SON: variants seen among roughly 807,000 people sequenced by gnomAD.
The protein encoded by SON is SON DNA and RNA binding protein, also known as protein SON.
In SON, 4 loss-of-function variants were observed where a neutral mutation model predicts 173.3. The observed-to-expected ratio is 0.02, with a 90% CI of 0.01 to 0.05. SON has a LOEUF of 0.05. Among genes scored for constraint, SON ranks in the 10% least tolerant of loss-of-function variants. The pLI is 1.00. For missense variants in SON, 2,626 were observed against 3,055.3 expected (o/e 0.86, Z 3.31); for synonymous variants, 1,190 against 1,105.9 (o/e 1.08, Z -1.51).
In SON at chr21:33,552,936, A is replaced by G. The variant is rs371151680; in HGVS notation, c.3705A>G (p.Ser1235=). 11 of 1,614,096 alleles carry G rather than the reference A, an allele frequency of 6.8e-6. No individual in the cohort carries two copies. Among genetic ancestry groups the G allele is most frequent in the African/African-American group, 6.7e-5 (5 of 74,924 alleles). Residue 1235 remains serine, a synonymous_variant, in exon 3 of 12, where the codon TCA becomes TCG. Transcript: ENST00000356577. This position sits in a 1 kb window ranked among gnomAD's most constrained non-coding sequence, Gnocchi z 5.6. ...CTACTGATTATTCAGTGTCAGCATC[A>G]GATCCCTCAGTTTTAGTATCAGAGG... ...AVPTDYSVSA[S]DPSVLVSEAA...
rs1224703056 is a variant in SON at position 33,546,257 on chromosome 21, T to C, written c.122T>C (p.Ile41Thr). Residue 41 changes from isoleucine to threonine, a missense_variant, in exon 2 of 12, where the codon ATT becomes ACT. Physicochemically the swap from Ile to Thr is moderately conservative, Grantham distance 89. Transcript: ENST00000356577. ...CTGAATGGTGAAACAAATACACCCA[T>C]TGAAGGAAACCAGGCGGGTGATGCA... Reference protein sequence around the residue: ...GQLNGETNTPIEGNQAGDAAA... With the variant: ...GQLNGETNTPTEGNQAGDAAA... 1 of 1,613,872 alleles carries C rather than the reference T, an allele frequency of 6.2e-7. No homozygotes were observed. The highest frequency in any genetic ancestry group is 1.1e-5 in the South Asian group (1 of 91,038).
chr21:33,551,265 G>T lies in SON; in HGVS notation c.2034G>T (p.Thr678=). 1.2e-6 allele frequency: 2 copies of T among 1,614,132 alleles called. No individual in the cohort carries two copies. Among genetic ancestry groups the T allele is most frequent in the Non-Finnish European group, 1.7e-6 (2 of 1,179,998 alleles). The part of the protein sequence containing the change: ...TVSQSLEVPS[T]TALESYNTVA... Reference sequence around the variant, plus strand: ...CGCAGTCCCTGGAGGTGCCCTCGACGACAGCGCTGGAATCCTATAATACGG... The same window carrying T: ...CGCAGTCCCTGGAGGTGCCCTCGACTACAGCGCTGGAATCCTATAATACGG... Residue 678 remains threonine (T), a synonymous_variant, in exon 3 of 12, where the codon ACG becomes ACT. Coordinates refer to ENST00000356577, the MANE Select transcript of SON (RefSeq NM_138927.4).
At chr21:33,556,603 A>G (rs2085971259) in intron 3 of SON, among the ~76,000 whole-genome samples, 1 of 151,754 alleles carries the variant, frequency 6.6e-6, no homozygotes, top group Admixed American at 6.6e-5. Context: ...AGTCCCAGCT[A>G]CTCGGGAGGC....
chr21:33,553,622 A>T lies in SON; in HGVS notation c.4391A>T (p.Glu1464Val). The T allele has an allele frequency of 6.2e-7, 1 of 1,613,886 alleles. No individual in the cohort carries two copies. Among genetic ancestry groups the T allele is most frequent in the East Asian group, 2.2e-5 (1 of 44,878 alleles). The change falls in exon 3 of 12, where the codon GAG (glutamate) becomes GTG (valine). Residue 1464 changes from glutamate (E) to valine (V), a missense_variant. By Grantham distance (121) the Glu-to-Val change is moderately radical. Coordinates refer to ENST00000356577, the MANE Select transcript of SON (RefSeq NM_138927.4). ...VSEQTQVIPT[E>V]VAIESTPMIL... Reference sequence around the variant, plus strand: ...GAGCAGACTCAAGTAATACCAACTGAGGTGGCTATAGAGTCCACACCAATG... The same window carrying T: ...GAGCAGACTCAAGTAATACCAACTGTGGTGGCTATAGAGTCCACACCAATG...
chr21:33,569,675 A>G, intron 8 of SON: 3 of 444,066 alleles, frequency 6.8e-6, no homozygotes, highest in South Asian at 4.9e-5. Flanking sequence ...GGTTACAGCA[A>G]GTGGTTGGGA....
intron 8 of SON, chr21:33,571,913 T>C (rs1404852987): frequency 6.6e-6 from 1 of 152,612 alleles, no homozygotes; most frequent in Non-Finnish European, 1.5e-5. Context: ...GGTATGTTTT[T>C]ACCTCCACAG....
In SON at chr21:33,550,913, C is replaced by T. The variant is rs200562824; in HGVS notation, c.1682C>T (p.Pro561Leu). ...GTGGCAACGACAGCGCTGGAGTTGC[C>T]GGGGCAGCCTTCGGTGACTGGGGTG... ...QPVATTALELPGQPSVTGVPE... is the reference protein window; with the variant it reads ...QPVATTALELLGQPSVTGVPE... Residue 561 changes from proline to leucine, a missense_variant, in exon 3 of 12, where the codon CCG becomes CTG. Physicochemically the swap from Pro to Leu is moderately conservative, Grantham distance 98. Transcript: ENST00000356577. The T allele has an allele frequency of 4.2e-5, 67 of 1,606,536 alleles. No individual in the cohort carries two copies. The highest frequency in any genetic ancestry group is 1.7e-4 in the Middle Eastern group (1 of 5,982).
rs141614850 is a variant in SON at position 33,553,374 on chromosome 21, A to C, written c.4143A>C (p.Val1381=). 1.2e-6 allele frequency: 2 copies of C among 1,610,878 alleles called. No homozygotes were observed. Among genetic ancestry groups the C allele is most frequent in the African/African-American group, 2.7e-5 (2 of 74,736 alleles). ...TGACTGTCCTGGAGTCTTCGACTGT[A>C]ACTGTCCTGGAGCCTTCGGTTGTGA... ...STVTVLESST[V]TVLEPSVVTV... is the part of the protein sequence containing the mutation. The change falls in exon 3 of 12, where the codon GTA becomes GTC. Residue 1381 remains valine, a synonymous_variant. Coordinates refer to ENST00000356577, the MANE Select transcript of SON (RefSeq NM_138927.4).
rs2085921181 is a variant in SON, at chr21:33,554,765, C to G, written c.5534C>G (p.Ser1845Cys). 6.2e-7 allele frequency: 1 copy of G among 1,613,880 alleles called. No individual in the cohort carries two copies. The highest frequency in any genetic ancestry group is 1.3e-5 in the African/African-American group (1 of 75,024). ...CGCAAGCGTACCAGTGAATCTCGTTCTAGGGCAAGAAAGAGATCATCTAAG... is the reference window on the plus strand; with the variant it reads ...CGCAAGCGTACCAGTGAATCTCGTTGTAGGGCAAGAAAGAGATCATCTAAG... ...KSRKRTSESR[S>C]RARKRSSKSK... is the part of the protein sequence containing the mutation. The change falls in exon 3 of 12, where the codon TCT becomes TGT. Residue 1845 changes from serine (S) to cysteine (C), a missense_variant. Physicochemically the swap from Ser to Cys is moderately radical, Grantham distance 112 (BLOSUM62 -1). Transcript: ENST00000356577.
At chr21:33,572,768 G>GT (rs78936304) in intron 8 of SON, 33,904 of 230,012 alleles carry the variant, frequency 0.15, 22 homozygotes, top group South Asian at 0.3. Flanking sequence ...AATTTCAAGA[G>GT]TTTTTTTTTT....
intron 4 of SON, chr21:33,557,938 C>A (rs1601278588): frequency 5.3e-6 from 1 of 188,018 alleles, no homozygotes; most frequent in Non-Finnish European, 1.1e-5. Flanking sequence ...TCAATTGAGG[C>A]TTTTTTGGGG....
At chr21:33,561,836 AT>A (rs1453278711) in intron 6 of SON, among the ~76,000 whole-genome samples, 1 of 152,072 alleles carries the variant, frequency 6.6e-6, no homozygotes, top group Non-Finnish European at 1.5e-5. Context: ...TGTTAAAAAA[AT>A]TTTTTTTCTT....
At chr21:33,557,393 G>A (rs1005000647) in intron 4 of SON, 77 bp downstream of exon 4, 92 of 1,567,348 alleles carry the variant, frequency 5.9e-5, no homozygotes, top group African/African-American at 8.1e-5. Flanking sequence ...GCCAAAACCC[G>A]AATTGTGGGC....
chr21:33,554,780 G>T lies in SON; in HGVS notation c.5549G>T (p.Arg1850Ile). 6.2e-7 allele frequency: 1 copy of T among 1,613,916 alleles called. No homozygotes were observed. Among genetic ancestry groups the T allele is most frequent in the South Asian group, 1.1e-5 (1 of 91,084 alleles). The change falls in exon 3 of 12, where the codon AGA (arginine) becomes ATA (isoleucine). Residue 1850 changes from arginine (R) to isoleucine (I), a missense_variant. Arg to Ile is a moderately conservative substitution (Grantham distance 97). Around this residue, in one of 13 missense-constraint regions of SON, gnomAD observed 1,006 missense variants for 895.6 expected, o/e 1.12. Transcript: ENST00000356577. ...TSESRSRARK[R>I]SSKSKSHRSQ... is the part of the protein sequence containing the mutation. ...GAATCTCGTTCTAGGGCAAGAAAGA[G>T]ATCATCTAAGTCCAAGTCTCATCGC...
Position 33,552,852 on chromosome 21 carries a change from T to C in SON, c.3621T>C (p.Ser1207=), listed in dbSNP as rs772120095. The change falls in exon 3 of 12, where the codon TCT becomes TCC. Residue 1207 remains serine (S), a synonymous_variant. Transcript: ENST00000356577. The surrounding 1 kb of genome is among the most constrained non-coding windows in gnomAD (Gnocchi z 5.6). ...TEVPSSPSEE[S]VSQPEPPVSQ... ...TGCCATCATCACCATCTGAAGAGTC[T>C]GTATCGCAGCCTGAGCCTCCTGTGA... The C allele has an allele frequency of 6.2e-7, 1 of 1,613,880 alleles. No homozygotes were observed. Among genetic ancestry groups the C allele is most frequent in the Admixed American group, 1.7e-5 (1 of 60,012 alleles).
At position 33,549,477 on chromosome 21, in the gene SON, C is replaced by T. The variant is rs1328168643; in HGVS notation, c.246C>T (p.Asp82=). The change falls in exon 3 of 12, where the codon GAC becomes GAT. Residue 82 remains aspartate, a splice_region_variant and synonymous_variant. Transcript: ENST00000356577. ...VLDTELRYKP[D]LKEGSRKSRC... ...AAAATTAATTTCTATTACTTTTAGACTTGAAAGAGGGCTCCAGAAAAAGTA... is the reference window on the plus strand; with the variant it reads ...AAAATTAATTTCTATTACTTTTAGATTTGAAAGAGGGCTCCAGAAAAAGTA... 6.6e-7 allele frequency: 1 copy of T among 1,525,100 alleles called. No homozygotes were observed. The highest frequency in any genetic ancestry group is 1.4e-5 in the African/African-American group (1 of 71,640). 94.5% of individuals were successfully genotyped at this position (1,525,100 alleles called of 1,614,324 possible).
rs1157699960 is a variant in SON at position 33,574,661 on chromosome 21, C to CCG, written c.7034-933_7034-932dup. On this transcript the variant is annotated intron_variant, in intron 9 of 11. Transcript: ENST00000356577. ...GCCTCTTCAGATTTGGGATGCTTGA[C>CCG]CGCTAAATACAATGCAAATATTTGA... Among the ~76,000 whole-genome samples, 4 of 152,300 alleles carry CCG rather than the reference C, an allele frequency of 2.6e-5. No homozygotes were observed. The East Asian group carries it at 7.7e-4, about 29-fold the overall frequency.
rs755185624 is a variant in SON, at chr21:33,553,913, T to C, written c.4682T>C (p.Ile1561Thr). The C allele has an allele frequency of 1.2e-6, 2 of 1,613,992 alleles. No homozygotes were observed. The highest frequency in any genetic ancestry group is 1.7e-6 in the Non-Finnish European group (2 of 1,179,982). ...GCTGGTACTAGTCCTGTTGGGGAAA[T>C]TGGTGAAGAGAAAATTTTGCCCACC... is the stretch of plus-strand genomic sequence containing the variant. ...CAAGTSPVGE[I>T]GEEKILPTSE... Residue 1561 changes from isoleucine (I) to threonine (T), a missense_variant, in exon 3 of 12, where the codon ATT becomes ACT. This residue lies in a region of SON where 1,006 missense variants were observed against 895.6 expected (regional missense o/e 1.12). Coordinates refer to ENST00000356577, the MANE Select transcript of SON (RefSeq NM_138927.4).
chr21:33,543,164 T>C lies in SON; in HGVS notation c.72T>C (p.Leu24=). ...AATTCCGGGAAATTCAACAGGAGCT[T>C]TCCAGGTAAACGCCTCCCAGATTCT... ...VSKFREIQQE[L]SSGRNEGQLN... Residue 24 remains leucine (L), a synonymous_variant, in exon 1 of 12, where the codon CTT becomes CTC. Transcript: ENST00000356577. The C allele has an allele frequency of 6.2e-7, 1 of 1,613,832 alleles. No individual in the cohort carries two copies. The highest frequency in any genetic ancestry group is 8.5e-7 in the Non-Finnish European group (1 of 1,179,716).
Sources: allele counts gnomAD v4.1 joint callset (sites outside exome capture counted in the v4.1 genomes callset), GRCh38; gene constraint gnomAD v4.1.1; regional missense constraint gnomAD v4.1.1; non-coding constraint Gnocchi (gnomAD v3.1); transcripts MANE v1.5; gene names NCBI Gene and HGNC (gene_info 2026-07-23, HGNC 2026-07-21).